Variants in C4orf17 observed in about 807,000 individuals in gnomAD.
C4orf17 encodes chromosome 4 open reading frame 17.
A neutral mutation model predicts 32.0 loss-of-function variants in C4orf17; 25 were observed. The observed-to-expected ratio is 0.78, with a 90% CI of 0.57 to 1.09. C4orf17 has a LOEUF of 1.09. Ranked by LOEUF, C4orf17 falls within the 50% of genes least tolerant of loss-of-function variation. The pLI, the probability that C4orf17 is intolerant of heterozygous loss-of-function variation, is 0.00. For synonymous variants in C4orf17, 149 were observed against 145.8 expected (o/e 1.02, Z -0.16); for missense variants, 420 against 420.0 (o/e 1.00, Z 0.00).
Position 99,540,407 on chromosome 4 carries a change from T to C in C4orf17, c.837-5T>C, listed in dbSNP as rs752372367. The C allele has an allele frequency of 2.5e-6, 4 of 1,609,670 alleles. No individual in the cohort carries two copies. Among genetic ancestry groups the C allele is most frequent in the Admixed American group, 1.7e-5 (1 of 59,814 alleles). On this transcript the variant is annotated splice_region_variant and splice_polypyrimidine_tract_variant and intron_variant, in intron 7 of 8. Transcript: ENST00000326581. ...TTCACTTTTTTCTTTCTCCAACTGA[T>C]CTAGAGTGTCAAGTCAAGGATCTGA...
At chr4:99,522,754 CA>C (rs1207414848) in intron 3 of C4orf17, 45 bp downstream of exon 3, 1 of 1,480,012 alleles carries the variant, frequency 6.8e-7, no homozygotes, top group Non-Finnish European at 9.4e-7. Context: ...ATGCCTCCTG[CA>C]AACAAGGCTG....
At chr4:99,524,466 A>G in intron 3 of C4orf17, 55 bp from the exon 4 acceptor site, 1 of 1,030,410 alleles carries the variant, frequency 9.7e-7, no homozygotes, top group Non-Finnish European at 1.5e-6. Context: ...ATATCATGTG[A>G]TATAAATTCT....
intron 5 of C4orf17, among the ~76,000 whole-genome samples, chr4:99,530,978 C>T (rs563198907): frequency 2.6e-5 from 4 of 152,184 alleles, no homozygotes; most frequent in African/African-American, 7.2e-5. Context: ...AAGAGCTTTC[C>T]TCTAAGAATT....
chr4:99,515,606 C>T (rs961685325), intron 2 of C4orf17, among the ~76,000 whole-genome samples: 1 of 151,874 alleles, frequency 6.6e-6, no homozygotes, highest in African/African-American at 2.4e-5. Flanking sequence ...ACTAGGCTTA[C>T]CACCTGGATG....
At chr4:99,523,310 T>A (rs1234923782) in intron 3 of C4orf17, among the ~76,000 whole-genome samples, 1 of 152,228 alleles carries the variant, frequency 6.6e-6, no homozygotes, top group African/African-American at 2.4e-5. Context: ...AGAAATTATA[T>A]CCAGTTCTCT....
At chr4:99,536,090 C>G (rs1025707103) in intron 5 of C4orf17, 1 of 378,350 alleles carries the variant, frequency 2.6e-6, no homozygotes, top group African/African-American at 2.2e-5. Context: ...TCTGCCTGCT[C>G]CTTCCTCTGG....
chr4:99,526,253 C>T lies in C4orf17; in HGVS notation c.402+1668C>T, dbSNP rs111238019. Reference sequence around the variant, plus strand: ...TGTTTCAGTATCTAGCTGAGATGATCGAATGATGTTTCTTTTTTTAGTCTG... The same window carrying T: ...TGTTTCAGTATCTAGCTGAGATGATTGAATGATGTTTCTTTTTTTAGTCTG... On this transcript the variant is annotated intron_variant, in intron 4 of 8. Transcript: ENST00000326581. 1.8e-3 allele frequency among the ~76,000 whole-genome samples: 272 copies of T among 152,220 alleles called. 2 individuals are homozygous for T. The highest frequency in any genetic ancestry group is 6.3e-3 in the African/African-American group (261 of 41,530).
intron 4 of C4orf17, among the ~76,000 whole-genome samples, chr4:99,526,648 T>C (rs1723391433): frequency 7.9e-6 from 1 of 126,654 alleles, no homozygotes; most frequent in South Asian, 2.5e-4. Context: ...TTTCTTTTCT[T>C]TTCTTTTTTT....
intron 2 of C4orf17, among the ~76,000 whole-genome samples, chr4:99,519,042 C>A (rs1305132985): frequency 2.0e-5 from 3 of 151,974 alleles, no homozygotes; most frequent in Non-Finnish European, 4.4e-5. Flanking sequence ...CTTTTGGGAA[C>A]AACACTGATA....
intron 2 of C4orf17, among the ~76,000 whole-genome samples, chr4:99,514,996 T>A (rs771522233): frequency 6.6e-5 from 10 of 151,896 alleles, no homozygotes; most frequent in Non-Finnish European, 1.2e-4. Flanking sequence ...GTGAAGTAAC[T>A]CAGGAATGGA....
At chr4:99,525,304 T>C (rs990800694) in intron 4 of C4orf17, among the ~76,000 whole-genome samples, 1 of 152,218 alleles carries the variant, frequency 6.6e-6, no homozygotes, top group Non-Finnish European at 1.5e-5. Context: ...GTATGAGTTT[T>C]TTTTCCTCCA....
At chr4:99,536,699 G>C (rs570156507) in intron 5 of C4orf17, among the ~76,000 whole-genome samples, 2 of 152,180 alleles carry the variant, frequency 1.3e-5, no homozygotes, top group South Asian at 2.1e-4. Context: ...TAGAGGAGCA[G>C]GGCAGATGGG....
intron 3 of C4orf17, 24 bp from the exon 4 acceptor site, chr4:99,524,497 C>T (rs1356328549): frequency 1.4e-6 from 2 of 1,440,080 alleles, no homozygotes; most frequent in Admixed American, 1.7e-5. Flanking sequence ...AATCTAAATA[C>T]ATTTTTCCTC....
intron 2 of C4orf17, among the ~76,000 whole-genome samples, chr4:99,517,486 T>A (rs1315024751): frequency 6.6e-6 from 1 of 152,090 alleles, no homozygotes; most frequent in Non-Finnish European, 1.5e-5. Context: ...TACACTGCAA[T>A]CCTCATCTTG....
intron 5 of C4orf17, chr4:99,535,997 G>T (rs1175017833): frequency 6.7e-6 from 3 of 449,866 alleles, no homozygotes; most frequent in South Asian, 4.8e-5. Context: ...CAGTTTGCTG[G>T]GGGTCTGCTC....
At chr4:99,514,976 A>T (rs940495523) in intron 2 of C4orf17, among the ~76,000 whole-genome samples, 1 of 152,214 alleles carries the variant, frequency 6.6e-6, no homozygotes, top group Non-Finnish European at 1.5e-5. Flanking sequence ...GCTGGAGGCC[A>T]TTATTCTAAG....
chr4:99,514,824 A>G (rs1434679023), intron 2 of C4orf17, among the ~76,000 whole-genome samples: 3 of 152,242 alleles, frequency 2.0e-5, no homozygotes. Context: ...ATACCAGAAC[A>G]GTTCACAATT....
At chr4:99,538,722 TA>T (rs1723604619) in intron 6 of C4orf17, among the ~76,000 whole-genome samples, 1 of 152,140 alleles carries the variant, frequency 6.6e-6, no homozygotes, top group Non-Finnish European at 1.5e-5. Context: ...AAATAATCAA[TA>T]AAATTACCAC....
intron 2 of C4orf17, among the ~76,000 whole-genome samples, chr4:99,514,129 G>A (rs1723139440): frequency 6.6e-6 from 1 of 152,056 alleles, no homozygotes; most frequent in Admixed American, 6.6e-5. Flanking sequence ...TCCAGCAGAT[G>A]GAAATGTGTC....
Sources: gnomAD v4.1 joint callset for allele counts (sites outside exome capture counted in the v4.1 genomes callset) on GRCh38, gnomAD v4.1.1 for gene constraint, MANE v1.5 for transcripts, NCBI Gene and HGNC (gene_info 2026-07-23, HGNC 2026-07-21) for gene names.